Variants in TTC6 observed in about 807,000 individuals in gnomAD.
TTC6 encodes tetratricopeptide repeat protein 6.
In TTC6, 172 loss-of-function variants were observed where a neutral mutation model predicts 210.4. The ratio of observed to expected loss-of-function variants is 0.82; its 90% CI spans 0.72 to 0.93. TTC6 has a LOEUF of 0.93. TTC6 is among the 40% of genes least tolerant of loss of function. The pLI, the probability that TTC6 is intolerant of heterozygous loss-of-function variation, is 0.00. For synonymous variants in TTC6, 804 were observed against 819.6 expected (o/e 0.98, Z 0.32); for missense variants, 2,414 against 2,318.1 (o/e 1.04, Z -0.85).
intron 4 of TTC6, among the ~76,000 whole-genome samples, chr14:37,700,864 C>A (rs1459249522): frequency 6.6e-6 from 1 of 151,072 alleles, no homozygotes; most frequent in Non-Finnish European, 1.5e-5. Context: ...CACACTGACT[C>A]AGAGAAACCC....
intron 7 of TTC6, among the ~76,000 whole-genome samples, chr14:37,732,503 A>G (rs1193051803): frequency 2.6e-5 from 4 of 151,126 alleles, no homozygotes; most frequent in Non-Finnish European, 5.9e-5. Context: ...CATTCTTACA[A>G]TGAAGTAAGC....
intron 26 of TTC6, among the ~76,000 whole-genome samples, chr14:37,821,562 G>A (rs989378669): frequency 6.6e-6 from 1 of 151,864 alleles, no homozygotes; most frequent in African/African-American, 2.4e-5. Context: ...GTGGATTGTT[G>A]TGTGATCTTC....
At chr14:37,771,821 A>G (rs9671320) in intron 14 of TTC6, among the ~76,000 whole-genome samples, 133,756 of 152,166 alleles carry the variant, frequency 0.88, 59,396 homozygotes, top group Non-Finnish European at 0.95. Context: ...GTCATTCTCC[A>G]TCCAGCTTTG....
chr14:37,696,226 A>G (rs78191390), intron 3 of TTC6, among the ~76,000 whole-genome samples: 2,330 of 152,238 alleles, frequency 0.015, 47 homozygotes, highest in African/African-American at 0.053. Context: ...TCTTCCTTAA[A>G]TCTAATCTCA....
intron 10 of TTC6, among the ~76,000 whole-genome samples, chr14:37,746,117 C>T (rs1323168232): frequency 6.6e-6 from 1 of 152,136 alleles, no homozygotes; most frequent in Non-Finnish European, 1.5e-5. Flanking sequence ...TTATTGTGGT[C>T]ATTGTATCTA....
intron 1 of TTC6, among the ~76,000 whole-genome samples, chr14:37,599,062 G>A (rs1222013663): frequency 1.3e-5 from 2 of 152,158 alleles, no homozygotes; most frequent in East Asian, 3.9e-4. Flanking sequence ...CAGCTTAGAA[G>A]TGAGGAAGGC....
At chr14:37,780,494 T>C (rs1039721744) in intron 14 of TTC6, among the ~76,000 whole-genome samples, 22 of 152,332 alleles carry the variant, frequency 1.4e-4, no homozygotes, top group Admixed American at 1.3e-3. Flanking sequence ...AGTGAGAACA[T>C]GCAGTGTTCG....
chr14:37,726,130 A>G (rs919586579), intron 7 of TTC6, among the ~76,000 whole-genome samples: 16 of 151,724 alleles, frequency 1.1e-4, no homozygotes, highest in South Asian at 6.3e-4. Context: ...GATGAGCATC[A>G]TTGTACATAA....
chr14:37,678,172 A>G (rs2095774543), intron 1 of TTC6, among the ~76,000 whole-genome samples: 1 of 152,060 alleles, frequency 6.6e-6, no homozygotes, highest in Non-Finnish European at 1.5e-5. Flanking sequence ...AGTTACTTGA[A>G]GAGCAGTTTG....
intron 3 of TTC6, among the ~76,000 whole-genome samples, chr14:37,689,532 T>G (rs1405584120): frequency 6.6e-6 from 1 of 151,898 alleles, no homozygotes; most frequent in Non-Finnish European, 1.5e-5. Flanking sequence ...ATAATTAAAT[T>G]CCCAAAGGTC....
chr14:37,651,387 T>TATATATA (rs2095710849), intron 1 of TTC6, among the ~76,000 whole-genome samples: 1 of 30,902 alleles, frequency 3.2e-5, no homozygotes, highest in Non-Finnish European at 6.0e-5. Context: ...ACTGTTTATG[T>TATATATA]TATATATATA....
chr14:37,715,687 A>G (rs34830744), intron 6 of TTC6, among the ~76,000 whole-genome samples: 8,718 of 152,290 alleles, frequency 0.057, 385 homozygotes, highest in Non-Finnish European at 0.089. Context: ...GAAGTAAGTG[A>G]CAGAACATTT....
At chr14:37,753,698 A>G (rs1333624414) in intron 14 of TTC6, among the ~76,000 whole-genome samples, 1 of 151,436 alleles carries the variant, frequency 6.6e-6, no homozygotes, top group African/African-American at 2.4e-5. Context: ...CCTCACAAGT[A>G]GCTAAGACTA....
At chr14:37,666,180 C>G (rs1277557164) in intron 1 of TTC6, among the ~76,000 whole-genome samples, 1 of 150,046 alleles carries the variant, frequency 6.7e-6, no homozygotes, top group Non-Finnish European at 1.5e-5. Context: ...CTTCCAGCAC[C>G]CTCCATTGGC....
At chr14:37,603,499 C>T (rs8019713) in intron 1 of TTC6, among the ~76,000 whole-genome samples, 99,209 of 152,180 alleles carry the variant, frequency 0.65, 32,937 homozygotes, top group East Asian at 0.86. Flanking sequence ...GGATAATTGG[C>T]ACCGCAAAAA....
At chr14:37,814,076 G>A (rs1264237695) in intron 25 of TTC6, among the ~76,000 whole-genome samples, 1 of 152,090 alleles carries the variant, frequency 6.6e-6, no homozygotes, top group African/African-American at 2.4e-5. Flanking sequence ...ACTAGATCAA[G>A]TTATTCCTTT....
chr14:37,839,687 A>G (rs2096205668), intron 29 of TTC6, among the ~76,000 whole-genome samples: 1 of 151,948 alleles, frequency 6.6e-6, no homozygotes, highest in East Asian at 1.9e-4. Flanking sequence ...TTTTGTTCCC[A>G]TTGCTTTTGG....
At chr14:37,796,993 G>A in intron 20 of TTC6, 46 bp downstream of exon 22, 4 of 1,491,352 alleles carry the variant, frequency 2.7e-6, no homozygotes, top group African/African-American at 1.4e-5. Flanking sequence ...TTAATGAAGT[G>A]TATATATTGT....
chr14:37,646,024 C>G (rs1305950269), intron 1 of TTC6, among the ~76,000 whole-genome samples: 1 of 152,154 alleles, frequency 6.6e-6, no homozygotes, highest in African/African-American at 2.4e-5. Context: ...TATGAAGTTG[C>G]TAGCTGCTTT....
Sources: allele counts gnomAD v4.1 joint callset (sites outside exome capture counted in the v4.1 genomes callset), GRCh38; gene constraint gnomAD v4.1.1; transcripts MANE v1.5; gene names NCBI Gene and HGNC (gene_info 2026-07-23, HGNC 2026-07-21).